The following KCNK2 variants were observed in gnomAD, a reference collection of about 807,000 sequenced individuals.
KCNK2 encodes the protein potassium two pore domain channel subfamily K member 2.
Under a neutral mutation model 40.5 loss-of-function variants are expected in KCNK2, and 21 were observed. The ratio of observed to expected loss-of-function variants is 0.52; its 90% CI spans 0.37 to 0.75. The LOEUF (loss-of-function observed/expected upper bound fraction) is 0.75. Ranked by LOEUF, KCNK2 falls within the 30% of genes least tolerant of loss-of-function variation. The pLI is 0.00. For missense variants in KCNK2, 399 were observed against 531.6 expected (o/e 0.75, Z 2.45); for synonymous variants, 191 against 202.2 (o/e 0.94, Z 0.47).
At chr1:215,092,649 G>C (rs946243218) in intron 2 of KCNK2, among the ~76,000 whole-genome samples, 1 of 152,044 alleles carries the variant, frequency 6.6e-6, no homozygotes. Context: ...GAACATTTTG[G>C]AACCAAATAG....
upstream of KCNK2, among the ~76,000 whole-genome samples, chr1:215,080,016 A>C (rs1659090787): frequency 1.3e-5 from 2 of 152,110 alleles, no homozygotes; most frequent in Admixed American, 1.3e-4. Context: ...CCCTACATGA[A>C]TGTGGGGCCT....
At chr1:215,230,497 A>C (rs1666593622) in intron 6 of KCNK2, among the ~76,000 whole-genome samples, 1 of 126,556 alleles carries the variant, frequency 7.9e-6, no homozygotes, top group Non-Finnish European at 1.6e-5. Flanking sequence ...ACACACACAC[A>C]CACACGGCTG....
Position 215,172,149 on chromosome 1 carries a change from T to G in KCNK2, c.789T>G (p.Thr263=). The G allele has an allele frequency of 1.2e-6, 2 of 1,613,334 alleles. No individual in the cohort carries two copies. The highest frequency in any genetic ancestry group is 1.7e-4 in the Middle Eastern group (1 of 6,046). Residue 263 remains threonine (T), a synonymous_variant, in exon 5 of 7, where the codon ACT becomes ACG. Coordinates refer to ENST00000444842, the MANE Select transcript of KCNK2 (RefSeq NM_001017425.3). ...ALDAIYFVVI[T]LTTIGFGDYV... Reference sequence around the variant, plus strand: ...ACGCCATTTATTTTGTGGTTATCACTCTAACAACTATTGGATTTGGTGACT... The same window carrying G: ...ACGCCATTTATTTTGTGGTTATCACGCTAACAACTATTGGATTTGGTGACT...
At chr1:215,115,528 C>T (rs992080346) in intron 2 of KCNK2, among the ~76,000 whole-genome samples, 2 of 152,066 alleles carry the variant, frequency 1.3e-5, no homozygotes, top group Admixed American at 1.3e-4. Context: ...CAGGTACTGT[C>T]TCCCTGATCT....
intron 1 of KCNK2, among the ~76,000 whole-genome samples, chr1:215,071,480 T>A (rs910925017): frequency 6.6e-6 from 1 of 152,146 alleles, no homozygotes; most frequent in Non-Finnish European, 1.5e-5. Flanking sequence ...CTAGCCTGCA[T>A]CTGTTATGCT....
Position 215,236,639 on chromosome 1 carries a change from CCCTTT to C in KCNK2, c.*1500_*1504del, listed in dbSNP as rs1236307273. On this transcript the variant is annotated 3_prime_UTR_variant, in exon 7 of 7. Coordinates refer to ENST00000444842, the MANE Select transcript of KCNK2 (RefSeq NM_001017425.3). ...AGTAAATGCACCCCGTAAATTGCTA[CCCTTT>C]CCTTTATTTTCATACTTAGATCTGC... The C allele has an allele frequency of 6.6e-6, 1 of 152,262 alleles. No homozygotes were observed. Among genetic ancestry groups the C allele is most frequent in the Non-Finnish European group, 1.5e-5 (1 of 67,994 alleles). 9.4% of individuals were successfully genotyped at this position (152,262 alleles called of 1,614,324 possible). A position where few individuals can be genotyped will look rare whatever the true frequency, so the allele number is the denominator to read the frequency against.
At chr1:215,137,569 A>G (rs1461680255) in intron 3 of KCNK2, among the ~76,000 whole-genome samples, 4 of 152,212 alleles carry the variant, frequency 2.6e-5, no homozygotes, top group African/African-American at 9.6e-5. Flanking sequence ...TAAGATTTAT[A>G]AATAGAATAC....
chr1:215,110,202 A>G (rs1660618383), intron 2 of KCNK2, among the ~76,000 whole-genome samples: 1 of 152,052 alleles, frequency 6.6e-6, no homozygotes, highest in Admixed American at 6.6e-5. Context: ...GCTGTGCAGA[A>G]GCTTTTTAGT....
chr1:215,044,720 TAA>T (rs1247918418), intron 1 of KCNK2, among the ~76,000 whole-genome samples: 1 of 151,954 alleles, frequency 6.6e-6, no homozygotes, highest in African/African-American at 2.4e-5. Flanking sequence ...TGGGAACATA[TAA>T]AAGTTGGACC....
intron 3 of KCNK2, among the ~76,000 whole-genome samples, chr1:215,139,444 C>T (rs1254781632): frequency 6.6e-6 from 1 of 152,076 alleles, no homozygotes; most frequent in Non-Finnish European, 1.5e-5. Context: ...TTTCATGAAT[C>T]CCATGTTGAT....
intron 4 of KCNK2, among the ~76,000 whole-genome samples, chr1:215,170,331 A>AATTTTTTGTTAG (rs1663649405): frequency 6.6e-6 from 1 of 152,160 alleles, no homozygotes; most frequent in African/African-American, 2.4e-5. Context: ...CAAAAAATGA[A>AATTTTTTGTTAG]AATGCTTTTG....
intron 1 of KCNK2, among the ~76,000 whole-genome samples, chr1:215,030,709 AT>A (rs66479154): frequency 0.081 from 11,345 of 140,108 alleles, 1,071 homozygotes; most frequent in African/African-American, 0.23. Context: ...TAATTTTTGT[AT>A]TTTTTTTTTT....
At chr1:215,064,070 A>G (rs561968963) in intron 1 of KCNK2, among the ~76,000 whole-genome samples, 1 of 152,262 alleles carries the variant, frequency 6.6e-6, no homozygotes, top group South Asian at 2.1e-4. Flanking sequence ...GACAAGACTG[A>G]GGAAAAATAA....
chr1:215,189,057 T>C (rs1031705151), intron 5 of KCNK2, among the ~76,000 whole-genome samples: 1 of 152,146 alleles, frequency 6.6e-6, no homozygotes, highest in Non-Finnish European at 1.5e-5. Flanking sequence ...TTGCTCTGTT[T>C]TATAATACAG....
rs746198336 is a variant in KCNK2, at chr1:215,086,490, A to G, written c.169A>G (p.Met57Val). The G allele has an allele frequency of 1.9e-5, 30 of 1,614,102 alleles. 1 individual carries two copies. The South Asian group carries it at 3.2e-4, about 17-fold the overall frequency. Reference sequence around the variant, plus strand: ...GGAGAGTGACACGACCATTAATGTTATGAAATGGAAGACGGTCTCCACGAT... The same window carrying G: ...GGAGAGTGACACGACCATTAATGTTGTGAAATGGAAGACGGTCTCCACGAT... Reference protein sequence around the residue: ...RVESDTTINVMKWKTVSTIFL... With the variant: ...RVESDTTINVVKWKTVSTIFL... The change falls in exon 2 of 7, where the codon ATG (methionine) becomes GTG (valine). Residue 57 changes from methionine (M) to valine (V), a missense_variant. By Grantham distance (21) the Met-to-Val change is conservative (BLOSUM62 1). Coordinates refer to ENST00000444842, the MANE Select transcript of KCNK2 (RefSeq NM_001017425.3).
upstream of KCNK2, among the ~76,000 whole-genome samples, chr1:215,078,200 C>T (rs914712431): frequency 3.9e-5 from 6 of 152,160 alleles, 1 homozygote; most frequent in Admixed American, 3.9e-4. Flanking sequence ...CCATCCTGGG[C>T]TGCATGTAGC....
chr1:215,086,944 C>A (rs1199351665), intron 2 of KCNK2, among the ~76,000 whole-genome samples: 1 of 152,184 alleles, frequency 6.6e-6, no homozygotes, highest in East Asian at 1.9e-4. Context: ...TGCTTCTGTT[C>A]TTCTGTATTT....
intron 6 of KCNK2, among the ~76,000 whole-genome samples, chr1:215,214,449 T>C (rs1665875872): frequency 6.6e-6 from 1 of 152,184 alleles, no homozygotes; most frequent in Admixed American, 6.5e-5. Context: ...TGGGGATACA[T>C]ACCCAAACCA....
At chr1:215,180,421 G>A (rs1664177286) in intron 5 of KCNK2, among the ~76,000 whole-genome samples, 2 of 152,042 alleles carry the variant, frequency 1.3e-5, no homozygotes, top group Admixed American at 1.3e-4. Context: ...TGGTTGCTTT[G>A]TAGTTTCTAC....
Sources: gnomAD v4.1 joint callset for allele counts (sites outside exome capture counted in the v4.1 genomes callset) on GRCh38, gnomAD v4.1.1 for gene constraint, MANE v1.5 for transcripts, NCBI Gene and HGNC (gene_info 2026-07-23, HGNC 2026-07-21) for gene names.